Variants in MTMR9 observed in about 807,000 individuals in gnomAD.
MTMR9 encodes myotubularin-related protein 9.
A neutral mutation model predicts 69.5 loss-of-function variants in MTMR9; 39 were observed. The ratio of observed to expected loss-of-function variants is 0.56; its 90% CI spans 0.43 to 0.73. The LOEUF is 0.73. MTMR9 is among the 30% of genes least tolerant of loss of function. MTMR9 has a pLI of 0.00. For synonymous variants in MTMR9, 354 were observed against 240.8 expected (o/e 1.47, Z -4.35); for missense variants, 900 against 671.2 (o/e 1.34, Z -3.77).
intron 3 of MTMR9, among the ~76,000 whole-genome samples, chr8:11,303,799 G>A (rs755085227): frequency 1.1e-4 from 16 of 152,170 alleles, no homozygotes; most frequent in Non-Finnish European, 2.4e-4. Flanking sequence ...CTCCCAAAGT[G>A]CCGGGATGAT....
At position 11,304,920 on chromosome 8, in the gene MTMR9, A is replaced by C. The variant is rs750662474; in HGVS notation, c.497A>C (p.Lys166Thr). 4 of 1,613,990 alleles carry C rather than the reference A, an allele frequency of 2.5e-6. No individual in the cohort carries two copies. The South Asian group carries it at 3.3e-5, about 13-fold the overall frequency. ...PSYPPIVTVP[K>T]SIDDEALRKV... ...TACCCACCAATTGTCACAGTGCCCA[A>C]ATCCATCGATGATGAAGCTCTTCGG... The change falls in exon 4 of 10, where the codon AAA (lysine) becomes ACA (threonine). Residue 166 changes from lysine to threonine, a missense_variant. Coordinates refer to ENST00000221086, the MANE Select transcript of MTMR9 (RefSeq NM_015458.4).
At chr8:11,305,739 A>G (rs1799914838) in intron 4 of MTMR9, among the ~76,000 whole-genome samples, 2 of 152,222 alleles carry the variant, frequency 1.3e-5, no homozygotes, top group Admixed American at 1.3e-4. Context: ...TGATTTCCCA[A>G]ACAATGAGAA....
chr8:11,303,147 C>G (rs1376455409), intron 3 of MTMR9, among the ~76,000 whole-genome samples: 3 of 148,734 alleles, frequency 2.0e-5, no homozygotes, highest in African/African-American at 5.0e-5. Flanking sequence ...AGCCACGTTA[C>G]TCTTTGAAGA....
intron 1 of MTMR9, among the ~76,000 whole-genome samples, chr8:11,287,106 C>T (rs1259355874): frequency 6.6e-6 from 1 of 152,190 alleles, no homozygotes; most frequent in African/African-American, 2.4e-5. Context: ...TCGACCGCTA[C>T]CTCCTTCACA....
chr8:11,309,439 A>T, intron 5 of MTMR9, 88 bp from the exon 6 acceptor site: 1 of 1,136,246 alleles, frequency 8.8e-7, no homozygotes, highest in African/African-American at 1.6e-5. Flanking sequence ...TTTTGCTCTT[A>T]GATATGTTGG....
In MTMR9 at chr8:11,298,079, G is replaced by C. The variant is rs1168354540; in HGVS notation, c.292-1944G>C. The C allele has an allele frequency of 1.4e-5, 5 of 364,072 alleles. No individual in the cohort carries two copies. The East Asian group carries it at 3.8e-4, about 28-fold the overall frequency. 22.6% of individuals were successfully genotyped at this position (364,072 alleles called of 1,614,324 possible). ...TGGAAGAATAGCTGGCAAGTGCTCA[G>C]TTATCTAAATTGTAGCAATAAGTTA... On this transcript the variant is annotated intron_variant, in intron 2 of 9. Transcript: ENST00000221086.
chr8:11,310,174 C>A (rs897275669), intron 6 of MTMR9, among the ~76,000 whole-genome samples: 2 of 152,186 alleles, frequency 1.3e-5, no homozygotes, highest in African/African-American at 4.8e-5. Context: ...ATCTGGATCT[C>A]AAGTTGAGAA....
the MTMR9 span, among the ~76,000 whole-genome samples, chr8:11,333,461 T>G: frequency 1.3e-5 from 2 of 152,294 alleles, no homozygotes; most frequent in Non-Finnish European, 2.9e-5. Context: ...TTAAAAAGCT[T>G]AGGGATCTTG....
Position 11,316,912 on chromosome 8 carries a change from T to C in MTMR9, c.1334+19T>C. 1 of 1,506,062 alleles carries C rather than the reference T, an allele frequency of 6.6e-7. No homozygotes were observed. Among genetic ancestry groups the C allele is most frequent in the South Asian group, 1.3e-5 (1 of 74,982 alleles). 93.3% of individuals were successfully genotyped at this position (1,506,062 alleles called of 1,614,324 possible). On this transcript the variant is annotated intron_variant, in intron 8 of 9. Coordinates refer to ENST00000221086, the MANE Select transcript of MTMR9 (RefSeq NM_015458.4). Reference sequence around the variant, plus strand: ...GTGAAAGGTGAGTACACTGCTCACATGGGGACCTTTCCTTTTCCGTTGTTT... The same window carrying C: ...GTGAAAGGTGAGTACACTGCTCACACGGGGACCTTTCCTTTTCCGTTGTTT...
At chr8:11,314,661 A>G (rs956433759) in intron 6 of MTMR9, among the ~76,000 whole-genome samples, 2 of 152,206 alleles carry the variant, frequency 1.3e-5, no homozygotes, top group African/African-American at 4.8e-5. Flanking sequence ...AATTTGTTAT[A>G]ACTTAAAGAG....
Position 11,327,339 on chromosome 8 carries a change from G to C in MTMR9, c.*4551G>C, listed in dbSNP as rs956225822. The C allele has an allele frequency of 1.3e-5, 2 of 152,210 alleles. No homozygotes were observed. The highest frequency in any genetic ancestry group is 4.8e-5 in the African/African-American group (2 of 41,450). 9.4% of individuals were successfully genotyped at this position (152,210 alleles called of 1,614,324 possible). On this transcript the variant is annotated 3_prime_UTR_variant, in exon 10 of 10. Transcript: ENST00000221086. ...CTACATTGTCCTGCAAAGTAATTCTGATGAGAGTTTACTGACTTCTAGAGC... is the reference window on the plus strand; with the variant it reads ...CTACATTGTCCTGCAAAGTAATTCTCATGAGAGTTTACTGACTTCTAGAGC...
At position 11,300,950 on chromosome 8, in the gene MTMR9, G is replaced by T. The variant is rs142236722; in HGVS notation, c.417+802G>T. Among the ~76,000 whole-genome samples, 981 of 152,284 alleles carry T rather than the reference G, an allele frequency of 6.4e-3. 13 individuals carry two copies. Among genetic ancestry groups the T allele is most frequent in the Middle Eastern group, 0.02 (6 of 294 alleles). On this transcript the variant is annotated intron_variant, in intron 3 of 9. Transcript: ENST00000221086. The stretch of plus-strand genomic sequence containing the variant: ...TATTTTAAGCTTTGCAGGTCATGTG[G>T]TCTCTGTTGTAACTACTGAACTCTG...
Position 11,322,839 on chromosome 8 carries a change from T to G in MTMR9, c.*51T>G. On this transcript the variant is annotated 3_prime_UTR_variant, in exon 10 of 10. Coordinates refer to ENST00000221086, the MANE Select transcript of MTMR9 (RefSeq NM_015458.4). ...GACCTTCTTGGGCCTGTGTCCGCCGTTCTCTCCTTGTGCCCTTCAGTTCAC... is the reference window on the plus strand; with the variant it reads ...GACCTTCTTGGGCCTGTGTCCGCCGGTCTCTCCTTGTGCCCTTCAGTTCAC... 1 of 1,552,038 alleles carries G rather than the reference T, an allele frequency of 6.4e-7. No individual in the cohort carries two copies. Among genetic ancestry groups the G allele is most frequent in the Non-Finnish European group, 8.7e-7 (1 of 1,142,948 alleles).
chr8:11,286,339 A>G (rs757408889), intron 1 of MTMR9, among the ~76,000 whole-genome samples: 1 of 151,506 alleles, frequency 6.6e-6, no homozygotes, highest in Non-Finnish European at 1.5e-5. Flanking sequence ...GGGGGCTCTT[A>G]TTAGTCTCCT....
the MTMR9 span, among the ~76,000 whole-genome samples, chr8:11,336,535 C>G: frequency 6.6e-6 from 1 of 152,250 alleles, no homozygotes; most frequent in Non-Finnish European, 1.5e-5. Flanking sequence ...ATCTTCCAAT[C>G]TTGTTCTTTA....
chr8:11,309,494 G>T (rs762752002), intron 5 of MTMR9, 33 bp from the exon 6 acceptor site: 4 of 1,557,504 alleles, frequency 2.6e-6, no homozygotes, highest in African/African-American at 1.4e-5. Context: ...TATTTTCTGG[G>T]TTTGTTATTT....
At position 11,309,678 on chromosome 8, in the gene MTMR9, T is replaced by C. The variant is rs760169618; in HGVS notation, c.961T>C (p.Cys321Arg). ...GACAACTGCCTGCCTAGCGGCTCAG[T>C]GCATCGACAGGTAAAGTGCATTTCA... is the stretch of plus-strand genomic sequence containing the variant. ...ILTTACLAAQ[C>R]IDREGASILI... The change falls in exon 6 of 10, where the codon TGC (cysteine) becomes CGC (arginine). Residue 321 changes from cysteine (C) to arginine (R), a missense_variant. Coordinates refer to ENST00000221086, the MANE Select transcript of MTMR9 (RefSeq NM_015458.4). 1.9e-6 allele frequency: 3 copies of C among 1,613,628 alleles called. No homozygotes were observed. The highest frequency in any genetic ancestry group is 1.7e-6 in the Non-Finnish European group (2 of 1,179,764).
At chr8:11,300,396 T>C (rs1799708179) in intron 3 of MTMR9, 1 of 273,460 alleles carries the variant, frequency 3.7e-6, no homozygotes, top group Non-Finnish European at 6.9e-6. Flanking sequence ...AACAGAACGC[T>C]TGTAAATAAT....
chr8:11,320,054 T>A, intron 9 of MTMR9: 1 of 489,648 alleles, frequency 2.0e-6, no homozygotes, highest in South Asian at 3.5e-5. Context: ...AAATTAACAG[T>A]GTTTCTTTAC....
Sources: allele counts gnomAD v4.1 joint callset (sites outside exome capture counted in the v4.1 genomes callset), GRCh38; gene constraint gnomAD v4.1.1; transcripts MANE v1.5; gene names NCBI Gene and HGNC (gene_info 2026-07-23, HGNC 2026-07-21).